The following SFI1 variants were observed in gnomAD, a reference collection of about 807,000 sequenced individuals.
SFI1 encodes the protein protein SFI1 homolog.
SFI1 carries 195 observed loss-of-function variants against 207.5 expected under a neutral mutation model. The ratio of observed to expected loss-of-function variants is 0.94; its 90% CI spans 0.84 to 1.06. The LOEUF is 1.06. Ranked by LOEUF, SFI1 falls within the 50% of genes least tolerant of loss-of-function variation. SFI1 has a pLI of 0.00. For missense variants in SFI1, 1,634 were observed against 1,588.0 expected (o/e 1.03, Z -0.49); for synonymous variants, 630 against 598.9 (o/e 1.05, Z -0.76).
chr22:31,615,091 G>A lies in SFI1; in HGVS notation c.3112G>A (p.Ala1038Thr), dbSNP rs2071172248. The change falls in exon 29 of 33, where the codon GCA becomes ACA. Residue 1038 changes from alanine to threonine, a missense_variant. Physicochemically the swap from Ala to Thr is moderately conservative, Grantham distance 58. Transcript: ENST00000400288. ...ACATGGCCTAGGCATGGCTCAGCCAGCAGCCCCCTCCCTGACGCGGCCCTT... is the reference window on the plus strand; with the variant it reads ...ACATGGCCTAGGCATGGCTCAGCCAACAGCCCCCTCCCTGACGCGGCCCTT... ...QEHGLGMAQP[A>T]APSLTRPFLA... The A allele has an allele frequency of 6.2e-7, 1 of 1,607,094 alleles. No individual in the cohort carries two copies. The highest frequency in any genetic ancestry group is 8.5e-7 in the Non-Finnish European group (1 of 1,176,986).
intron 6 of SFI1, among the ~76,000 whole-genome samples, chr22:31,552,041 C>T (rs1432536707): frequency 1.3e-5 from 2 of 152,148 alleles, no homozygotes; most frequent in African/African-American, 2.4e-5. Context: ...CCCTTCCCCT[C>T]GTTTGGAGTC....
At chr22:31,500,836 G>C (rs1396106460) in intron 1 of SFI1, among the ~76,000 whole-genome samples, 1 of 149,720 alleles carries the variant, frequency 6.7e-6, no homozygotes, top group Non-Finnish European at 1.5e-5. Context: ...GTGTTGCTCT[G>C]TCACCCAGGC....
intron 15 of SFI1, among the ~76,000 whole-genome samples, chr22:31,599,409 C>T (rs2067741887): frequency 6.6e-6 from 1 of 151,956 alleles, no homozygotes; most frequent in African/African-American, 2.4e-5. Flanking sequence ...TCACTGCAAT[C>T]TTCGCCTCCC....
At chr22:31,563,548 C>A (rs1179434908) in intron 8 of SFI1, among the ~76,000 whole-genome samples, 1 of 151,780 alleles carries the variant, frequency 6.6e-6, no homozygotes, top group African/African-American at 2.4e-5. Flanking sequence ...GCTACTGTTG[C>A]TCAGAACATG....
At chr22:31,502,934 G>A (rs1226758263) in intron 1 of SFI1, among the ~76,000 whole-genome samples, 1 of 151,448 alleles carries the variant, frequency 6.6e-6, no homozygotes, top group African/African-American at 2.4e-5. Flanking sequence ...GCTTAGCCAG[G>A]TGTGATGGTA....
chr22:31,563,047 G>A (rs1042734679), intron 8 of SFI1, among the ~76,000 whole-genome samples: 1 of 151,142 alleles, frequency 6.6e-6, no homozygotes, highest in Non-Finnish European at 1.5e-5. Flanking sequence ...AGACTGGAGT[G>A]CAGTGGCGCG....
At chr22:31,570,986 T>TG (rs2062886324) in intron 8 of SFI1, among the ~76,000 whole-genome samples, 1 of 152,128 alleles carries the variant, frequency 6.6e-6, no homozygotes, top group Admixed American at 6.5e-5. Flanking sequence ...CCGATGCACT[T>TG]GATAAGAGTA....
chr22:31,611,864 T>A (rs536040116), intron 24 of SFI1, 24 bp downstream of exon 24: 1 of 1,613,094 alleles, frequency 6.2e-7, no homozygotes, highest in South Asian at 1.1e-5. Flanking sequence ...AGATGTCCCC[T>A]CTGCACTTCC....
At chr22:31,500,297 GA>G (rs2053522566) in intron 1 of SFI1, among the ~76,000 whole-genome samples, 1 of 118,496 alleles carries the variant, frequency 8.4e-6, no homozygotes, top group Admixed American at 8.4e-5. Context: ...AAAAAAAAAA[GA>G]AAAAATAAAT....
intron 13 of SFI1, 96 bp downstream of exon 13, chr22:31,584,068 T>A: frequency 9.5e-7 from 1 of 1,049,856 alleles, no homozygotes; most frequent in Non-Finnish European, 1.5e-6. Context: ...TGCGTTAGTG[T>A]GGCAGATTCA....
At chr22:31,583,081 G>GCCTA (rs1292277803) in intron 12 of SFI1, among the ~76,000 whole-genome samples, 1 of 152,034 alleles carries the variant, frequency 6.6e-6, no homozygotes, top group African/African-American at 2.4e-5. Flanking sequence ...ATACCACCAT[G>GCCTA]CCTAGCCTTG....
intron 15 of SFI1, among the ~76,000 whole-genome samples, chr22:31,594,635 C>G (rs2066797603): frequency 6.6e-6 from 1 of 151,160 alleles, no homozygotes; most frequent in African/African-American, 2.4e-5. Context: ...GCGGGCGGAT[C>G]ACGAGGTCAG....
In SFI1 at chr22:31,508,234, T is replaced by C. The variant is rs1248276016; in HGVS notation, c.-30-21T>C. Reference sequence around the variant, plus strand: ...AGGCTGCAAATCATTTTCTCTCTTTTTTATTCTCTTTTTCTTGTAGTTAGA... The same window carrying C: ...AGGCTGCAAATCATTTTCTCTCTTTCTTATTCTCTTTTTCTTGTAGTTAGA... On this transcript the variant is annotated intron_variant, in intron 1 of 32. Coordinates refer to ENST00000400288, the MANE Select transcript of SFI1 (RefSeq NM_001007467.3). The C allele has an allele frequency of 5.1e-6, 7 of 1,385,328 alleles. No individual in the cohort carries two copies. The South Asian group carries it at 7.0e-5, about 14-fold the overall frequency. The allele number at this position is 1,385,328 out of a possible 1,614,324, so 85.8% of individuals were successfully genotyped here.
At chr22:31,606,061 G>A in intron 20 of SFI1, 1 of 427,982 alleles carries the variant, frequency 2.3e-6, no homozygotes, top group Non-Finnish European at 4.3e-6. Context: ...GCCTGGTTAT[G>A]CCCTGTTATC....
At chr22:31,496,258 T>A (rs2052637498), upstream of SFI1, 1 of 152,198 alleles carries the variant, frequency 6.6e-6, no homozygotes, top group African/African-American at 2.4e-5. Context: ...CCACTTCTCT[T>A]GTCTAAGAGG....
In SFI1 at chr22:31,617,706, G is replaced by A. The variant is rs535372411; in HGVS notation, c.3513-409G>A. Among the ~76,000 whole-genome samples, 45 of 150,106 alleles carry A rather than the reference G, an allele frequency of 3.0e-4. No individual in the cohort carries two copies. In the South Asian group the frequency reaches 9.3e-3, roughly 31 times the overall value. ...ATTGCACTCCAGCCTGGGCAACACA[G>A]CAACACTCCATCTCAAAAAAAAAAA... is the stretch of plus-strand genomic sequence containing the variant. On this transcript the variant is annotated intron_variant, in intron 31 of 32. Transcript: ENST00000400288.
chr22:31,500,838 C>T (rs1289335620), intron 1 of SFI1, among the ~76,000 whole-genome samples: 63 of 148,348 alleles, frequency 4.2e-4, no homozygotes, highest in Admixed American at 4.8e-4. Flanking sequence ...GTTGCTCTGT[C>T]ACCCAGGCTG....
intron 5 of SFI1, among the ~76,000 whole-genome samples, chr22:31,548,577 A>T (rs886719122): frequency 7.9e-5 from 12 of 151,630 alleles, no homozygotes; most frequent in African/African-American, 2.2e-4. Flanking sequence ...CAGGAGGCGG[A>T]GACTGCAGTG....
At chr22:31,545,349 G>C (rs967493547) in intron 4 of SFI1, among the ~76,000 whole-genome samples, 2 of 149,938 alleles carry the variant, frequency 1.3e-5, no homozygotes, top group East Asian at 2.0e-4. Context: ...TGGGCAACAA[G>C]AGCAAAACTC....
Sources: gnomAD v4.1 joint callset for allele counts (sites outside exome capture counted in the v4.1 genomes callset) on GRCh38, gnomAD v4.1.1 for gene constraint, MANE v1.5 for transcripts, NCBI Gene and HGNC (gene_info 2026-07-23, HGNC 2026-07-21) for gene names.